Variants in GALK2 observed in about 807,000 individuals in gnomAD.
The protein encoded by GALK2 is N-acetylgalactosamine kinase.
Under a neutral mutation model 52.4 loss-of-function variants are expected in GALK2, and 36 were observed. The observed-to-expected ratio is 0.69, with a 90% CI of 0.53 to 0.91. The LOEUF (loss-of-function observed/expected upper bound fraction) is 0.91. GALK2 is among the 40% of genes least tolerant of loss of function. The probability of loss-of-function intolerance (pLI) is 0.00; values close to 1 mark genes in which losing one functional copy is unlikely to be tolerated. For synonymous variants in GALK2, 176 were observed against 199.1 expected, an observed-to-expected ratio of 0.88 and a Z score of 0.98; for missense variants, 579 against 559.1, an observed-to-expected ratio of 1.04 and a Z score of -0.36.
chr15:49,242,280 AG>A (rs2091134992), intron 5 of GALK2, among the ~76,000 whole-genome samples: 1 of 152,206 alleles, frequency 6.6e-6, no homozygotes, highest in African/African-American at 2.4e-5. Flanking sequence ...GGTAAGGTCA[AG>A]GGAACTAACT....
At chr15:49,351,699 T>C (rs116123817) in intron 3 of GALK2, among the ~76,000 whole-genome samples, 22 of 152,134 alleles carry the variant, frequency 1.4e-4, no homozygotes, top group South Asian at 4.1e-4. Context: ...TAAAGTAACA[T>C]TGGACAGACA....
At chr15:49,280,243 A>G (rs1416091665) in intron 5 of GALK2, among the ~76,000 whole-genome samples, 1 of 152,214 alleles carries the variant, frequency 6.6e-6, no homozygotes, top group Admixed American at 6.5e-5. Flanking sequence ...AGCATATTCA[A>G]TACATGATAA....
intron 2 of GALK2, among the ~76,000 whole-genome samples, chr15:49,205,910 A>G (rs902748583): frequency 6.6e-6 from 1 of 152,182 alleles, no homozygotes; most frequent in Admixed American, 6.5e-5. Flanking sequence ...ATTTTTGTGT[A>G]AGGTGAGAGA....
chr15:49,350,440 T>G (rs1005386966), intron 3 of GALK2, among the ~76,000 whole-genome samples: 7 of 152,160 alleles, frequency 4.6e-5, no homozygotes, highest in African/African-American at 1.7e-4. Flanking sequence ...TTGGGTAATG[T>G]AAAAGTATCA....
At chr15:49,250,759 A>T (rs1430723727) in intron 5 of GALK2, among the ~76,000 whole-genome samples, 1 of 152,218 alleles carries the variant, frequency 6.6e-6, no homozygotes, top group East Asian at 1.9e-4. Context: ...AAGACAGGGA[A>T]GTAAATTATA....
intron 3 of GALK2, among the ~76,000 whole-genome samples, chr15:49,234,609 T>G (rs1229557114): frequency 6.6e-6 from 1 of 152,018 alleles, no homozygotes; most frequent in Non-Finnish European, 1.5e-5. Flanking sequence ...AACCAGCGGA[T>G]CCCATGAGAC....
chr15:49,230,176 C>G (rs1414138969), intron 3 of GALK2, among the ~76,000 whole-genome samples: 1 of 152,070 alleles, frequency 6.6e-6, no homozygotes, highest in African/African-American at 2.4e-5. Context: ...TCTGGGATCT[C>G]AGGATAGTGA....
In GALK2 at chr15:49,322,425, A is replaced by T. The variant is rs143696313; in HGVS notation, c.1169+2620A>T. Reference sequence around the variant, plus strand: ...AGTTGTCTGGTCCTTAAAGCTTCTTATATAATTAATTTTTTCTTTGCTGTC... The same window carrying T: ...AGTTGTCTGGTCCTTAAAGCTTCTTTTATAATTAATTTTTTCTTTGCTGTC... On this transcript the variant is annotated intron_variant, in intron 9 of 9. Coordinates refer to ENST00000560031, the MANE Select transcript of GALK2 (RefSeq NM_002044.4). 4.9e-3 allele frequency among the ~76,000 whole-genome samples: 746 copies of T among 152,272 alleles called. 9 individuals carry two copies. Among genetic ancestry groups the T allele is most frequent in the African/African-American group, 0.017 (715 of 41,544 alleles).
chr15:49,331,560 G>A lies in GALK2; in HGVS notation c.*3401G>A. 1 of 484,600 alleles carries A rather than the reference G, an allele frequency of 2.1e-6. No individual in the cohort carries two copies. Among genetic ancestry groups the A allele is most frequent in the South Asian group, 3.6e-5 (1 of 27,564 alleles). 30.0% of individuals were successfully genotyped at this position (484,600 alleles called of 1,614,324 possible). A position where few individuals can be genotyped will look rare whatever the true frequency, so the allele number is the denominator to read the frequency against. Reference sequence around the variant, plus strand: ...CTTTTCAGTTACATAAACTGTTCCTGGTCAGAAGCTGGAAATGGGGAATGT... The same window carrying A: ...CTTTTCAGTTACATAAACTGTTCCTAGTCAGAAGCTGGAAATGGGGAATGT... On this transcript the variant is annotated 3_prime_UTR_variant, in exon 10 of 10. Transcript: ENST00000560031.
intron 1 of GALK2, among the ~76,000 whole-genome samples, chr15:49,183,619 G>A (rs963932846): frequency 9.9e-5 from 15 of 152,156 alleles, no homozygotes; most frequent in Admixed American, 2.6e-4. Context: ...CAAGGCGGGC[G>A]GATCACTTGA....
intron 8 of GALK2, among the ~76,000 whole-genome samples, chr15:49,301,516 G>C (rs972589574): frequency 1.3e-5 from 2 of 152,102 alleles, no homozygotes; most frequent in Admixed American, 6.6e-5. Flanking sequence ...GGTAAGGAGA[G>C]ATAGGCAGAT....
At chr15:49,311,148 A>G (rs567910688) in intron 8 of GALK2, among the ~76,000 whole-genome samples, 161 of 152,308 alleles carry the variant, frequency 1.1e-3, no homozygotes, top group African/African-American at 3.8e-3. Context: ...TGACAAGCGT[A>G]TCCTTTCCTC....
chr15:49,266,807 C>G (rs1452975195), intron 5 of GALK2, among the ~76,000 whole-genome samples: 2 of 152,024 alleles, frequency 1.3e-5, no homozygotes, highest in East Asian at 3.9e-4. Context: ...TTGTTATAAC[C>G]TTGTGGTATT....
intron 7 of GALK2, among the ~76,000 whole-genome samples, chr15:49,287,724 C>T (rs900809248): frequency 6.6e-6 from 1 of 152,158 alleles, no homozygotes; most frequent in Non-Finnish European, 1.5e-5. Flanking sequence ...GAAAATGAGA[C>T]TGAGACTGAT....
At chr15:49,203,644 G>A (rs1372985381) in intron 2 of GALK2, among the ~76,000 whole-genome samples, 1 of 152,054 alleles carries the variant, frequency 6.6e-6, no homozygotes, top group Non-Finnish European at 1.5e-5. Flanking sequence ...TCTTCTAGTA[G>A]TTTCATAGTT....
At chr15:49,233,082 T>C (rs2090595640) in intron 3 of GALK2, among the ~76,000 whole-genome samples, 1 of 152,226 alleles carries the variant, frequency 6.6e-6, no homozygotes, top group Admixed American at 6.5e-5. Context: ...ATTCTTGCAC[T>C]GCTATAAAGA....
rs767276287 is a variant in GALK2, at chr15:49,202,247, C to T, written c.142+997C>T. Among the ~76,000 whole-genome samples, 9 of 152,136 alleles carry T rather than the reference C, an allele frequency of 5.9e-5. 1 individual carries two copies. Among genetic ancestry groups the T allele is most frequent in the Admixed American group, 3.9e-4 (6 of 15,272 alleles). Reference sequence around the variant, plus strand: ...CTCGAACTCCCAATCTCAGGTGATCCACCTGCCTTGGCCTCCCAAAGTGCT... The same window carrying T: ...CTCGAACTCCCAATCTCAGGTGATCTACCTGCCTTGGCCTCCCAAAGTGCT... On this transcript the variant is annotated intron_variant, in intron 2 of 9. Coordinates refer to ENST00000560031, the MANE Select transcript of GALK2 (RefSeq NM_002044.4).
intron 1 of GALK2, among the ~76,000 whole-genome samples, chr15:49,186,191 C>A (rs928249108): frequency 6.6e-6 from 1 of 152,150 alleles, no homozygotes; most frequent in Admixed American, 6.5e-5. Flanking sequence ...TTTGAATAAA[C>A]GTCCTATCCC....
chr15:49,162,956 T>C (rs2084702272), intron 1 of GALK2, among the ~76,000 whole-genome samples: 1 of 152,252 alleles, frequency 6.6e-6, no homozygotes, highest in East Asian at 1.9e-4. Context: ...ACTACATTTG[T>C]AGTAATATTG....
Sources: gnomAD v4.1 joint callset for allele counts (sites outside exome capture counted in the v4.1 genomes callset) on GRCh38, gnomAD v4.1.1 for gene constraint, MANE v1.5 for transcripts, NCBI Gene and HGNC (gene_info 2026-07-23, HGNC 2026-07-21) for gene names.